CDH18: variants seen among roughly 807,000 people sequenced by gnomAD.
CDH18 encodes the protein cadherin-18.
In CDH18, 31 loss-of-function variants were observed where a neutral mutation model predicts 67.9. That is an observed-to-expected ratio of 0.46 (90% confidence interval 0.34 to 0.62). CDH18 has a LOEUF of 0.62. Among genes scored for constraint, CDH18 ranks in the 20% least tolerant of loss-of-function variants. CDH18 has a pLI of 0.01. For missense variants in CDH18, 890 were observed against 975.5 expected, an observed-to-expected ratio of 0.91 and a Z score of 1.17; for synonymous variants, 362 against 347.2, an observed-to-expected ratio of 1.04 and a Z score of -0.48.
intron 8 of CDH18, among the ~76,000 whole-genome samples, chr5:19,564,582 T>C (rs1051082840): frequency 1.3e-5 from 2 of 152,148 alleles, no homozygotes; most frequent in Admixed American, 1.3e-4. Flanking sequence ...ACATTACTCA[T>C]CGTGGGCTTT....
In CDH18 at chr5:20,484,655, T is replaced by TA. The variant is rs149477882; in HGVS notation, c.-580+90806dup. ...CAACATGGATGGAATTGGAGGTCCT[T>TA]ATGTTAAGTGAAATAAAAGGCACAA... On this transcript the variant is annotated intron_variant, in intron 1 of 14. Coordinates refer to the CDH18 transcript ENST00000507958. Among the ~76,000 whole-genome samples the TA allele has an allele frequency of 4.3e-3, 660 of 152,172 alleles. 5 individuals are homozygous for TA. Among genetic ancestry groups the TA allele is most frequent in the African/African-American group, 0.015 (626 of 41,542 alleles).
At chr5:19,911,852 G>T (rs1791180428) in intron 2 of CDH18, among the ~76,000 whole-genome samples, 2 of 152,198 alleles carry the variant, frequency 1.3e-5, no homozygotes, top group Admixed American at 6.5e-5. Flanking sequence ...GTTTCAAAGT[G>T]TTATTTTTAG....
chr5:20,352,439 G>A (rs1210500705), intron 1 of CDH18, among the ~76,000 whole-genome samples: 5 of 151,870 alleles, frequency 3.3e-5, no homozygotes, highest in Non-Finnish European at 5.9e-5. Flanking sequence ...GTTGTTGAAA[G>A]GTCTACTATG....
At chr5:19,535,074 T>A (rs532701777) in intron 9 of CDH18, among the ~76,000 whole-genome samples, 7 of 152,320 alleles carry the variant, frequency 4.6e-5, no homozygotes, top group Non-Finnish European at 1.0e-4. Context: ...TGACAACCTC[T>A]TGAATACCTC....
intron 3 of CDH18, among the ~76,000 whole-genome samples, chr5:19,792,322 T>C (rs981600584): frequency 4.6e-5 from 7 of 152,088 alleles, no homozygotes; most frequent in Non-Finnish European, 8.8e-5. Context: ...GAGCTCCTGG[T>C]TGTTGAGCCT....
chr5:19,652,529 T>TA (rs1011054375), intron 5 of CDH18, among the ~76,000 whole-genome samples: 7 of 151,820 alleles, frequency 4.6e-5, no homozygotes, highest in East Asian at 1.9e-4. Flanking sequence ...GAGTTTTTTT[T>TA]AAAAAAAAGA....
In CDH18 at chr5:20,266,571, A is replaced by ATTTTTTTT. The variant is rs34718835; in HGVS notation, c.-579-11074_-579-11067dup. 4.9e-3 allele frequency among the ~76,000 whole-genome samples: 291 copies of ATTTTTTTT among 59,186 alleles called. 8 individuals are homozygous for ATTTTTTTT. The highest frequency in any genetic ancestry group is 0.012 in the African/African-American group (173 of 14,118). 38.8% of individuals were successfully genotyped at this position (59,186 alleles called of 152,430 possible). ...GGCACGTGCCGGCACGCCCGGCTGA[A>ATTTTTTTT]TTTTTTTTTTTTTTTTTTTTTTTTT... On this transcript the variant is annotated intron_variant, in intron 1 of 14. Coordinates refer to the CDH18 transcript ENST00000507958.
At chr5:20,500,643 T>C (rs1754198981) in intron 1 of CDH18, among the ~76,000 whole-genome samples, 1 of 152,162 alleles carries the variant, frequency 6.6e-6, no homozygotes, top group African/African-American at 2.4e-5. Context: ...TGTAAATGGA[T>C]TTAAAGCATC....
chr5:19,779,644 C>T (rs1774861691), intron 3 of CDH18, among the ~76,000 whole-genome samples: 1 of 152,142 alleles, frequency 6.6e-6, no homozygotes, highest in African/African-American at 2.4e-5. Context: ...TCTTAATGTC[C>T]TGTACCAAAG....
At chr5:20,378,970 T>C (rs1743687518) in intron 1 of CDH18, among the ~76,000 whole-genome samples, 1 of 152,114 alleles carries the variant, frequency 6.6e-6, no homozygotes, top group Non-Finnish European at 1.5e-5. Flanking sequence ...TGGAAAAGAT[T>C]GCACATACTA....
intron 2 of CDH18, among the ~76,000 whole-genome samples, chr5:20,184,818 C>T (rs1221627272): frequency 1.3e-5 from 2 of 152,058 alleles, no homozygotes; most frequent in African/African-American, 2.4e-5. Context: ...GCAAGAGGCA[C>T]TGTCTAGGAC....
chr5:20,045,998 T>A (rs1182968612), intron 2 of CDH18, among the ~76,000 whole-genome samples: 1 of 151,438 alleles, frequency 6.6e-6, no homozygotes, highest in Non-Finnish European at 1.5e-5. Flanking sequence ...CAGGAAGGAG[T>A]ATGATTTGAT....
intron 1 of CDH18, among the ~76,000 whole-genome samples, chr5:20,574,142 A>G (rs1272588126): frequency 1.3e-5 from 2 of 151,584 alleles, no homozygotes; most frequent in Non-Finnish European, 2.9e-5. Flanking sequence ...TACTTGCATT[A>G]TTAGGAAGCA....
chr5:19,803,029 A>C (rs1561331263), intron 3 of CDH18, among the ~76,000 whole-genome samples: 1 of 152,160 alleles, frequency 6.6e-6, no homozygotes, highest in South Asian at 2.1e-4. Context: ...ACTATTCAAA[A>C]TCCATCCAAA....
chr5:19,750,201 C>A (rs954082855), intron 3 of CDH18, among the ~76,000 whole-genome samples: 1 of 151,994 alleles, frequency 6.6e-6, no homozygotes, highest in Non-Finnish European at 1.5e-5. Flanking sequence ...ATGATGATAA[C>A]CACTGTGAAA....
chr5:19,871,692 C>T (rs1049024996), intron 2 of CDH18, among the ~76,000 whole-genome samples: 4 of 151,912 alleles, frequency 2.6e-5, no homozygotes, highest in African/African-American at 9.7e-5. Flanking sequence ...TGTATGTCTC[C>T]CCTGCTCTGA....
chr5:19,863,777 C>T (rs1334439845), intron 2 of CDH18, among the ~76,000 whole-genome samples: 1 of 152,108 alleles, frequency 6.6e-6, no homozygotes, highest in Non-Finnish European at 1.5e-5. Context: ...AGCCACCAAC[C>T]CAGGCAAGAA....
At chr5:19,616,305 T>A (rs1749829521) in intron 5 of CDH18, among the ~76,000 whole-genome samples, 1 of 151,864 alleles carries the variant, frequency 6.6e-6, no homozygotes, top group African/African-American at 2.4e-5. Context: ...GATACATACA[T>A]TGATTCCCCC....
chr5:20,236,018 G>A (rs1487004592), intron 2 of CDH18, among the ~76,000 whole-genome samples: 3 of 152,062 alleles, frequency 2.0e-5, no homozygotes, highest in Non-Finnish European at 4.4e-5. Flanking sequence ...ACTTACAACT[G>A]AAAGCTAACC....
Sources: gnomAD v4.1 joint callset for allele counts (sites outside exome capture counted in the v4.1 genomes callset) on GRCh38, gnomAD v4.1.1 for gene constraint, MANE v1.5 for transcripts, NCBI Gene and HGNC (gene_info 2026-07-23, HGNC 2026-07-21) for gene names.